P2RY14: variants seen among roughly 807,000 people sequenced by gnomAD.
P2RY14 encodes P2Y purinoceptor 14.
P2RY14 carries 2 observed loss-of-function variants against 0.9 expected under a neutral mutation model. The ratio of observed to expected loss-of-function variants is 2.16; its 90% confidence interval spans 0.88 to 6.79. The LOEUF (loss-of-function observed/expected upper bound fraction) is 6.79, where lower values mean the gene tolerates loss of function less well. P2RY14 is among the 30% of genes most tolerant of loss of function. The pLI is 0.05. For missense variants in P2RY14, 378 were observed against 400.1 expected (o/e 0.94, Z 0.47); for synonymous variants, 158 against 147.2 (o/e 1.07, Z -0.53).
At chr3:151,221,637 G>A (rs1275802913) in intron 1 of P2RY14, among the ~76,000 whole-genome samples, 1 of 152,220 alleles carries the variant, frequency 6.6e-6, no homozygotes, top group African/African-American at 2.4e-5. Context: ...TCCACCTGGT[G>A]TGGAGCCTGC....
intron 1 of P2RY14, among the ~76,000 whole-genome samples, chr3:151,238,307 C>T (rs932499758): frequency 6.6e-6 from 1 of 152,048 alleles, no homozygotes; most frequent in African/African-American, 2.4e-5. Flanking sequence ...CCACCTTGGC[C>T]GGCTAATTTT....
At position 151,267,971 on chromosome 3, in the gene P2RY14, C is replaced by T. The variant is rs979660751; in HGVS notation, c.-133+10316G>A. 7.9e-5 allele frequency among the ~76,000 whole-genome samples: 12 copies of T among 152,202 alleles called. No homozygotes were observed. In the South Asian group the frequency reaches 1.4e-3, roughly 18 times the overall value. On this transcript the variant is annotated intron_variant, in intron 1 of 2. Transcript: ENST00000309170. ...CTATTATCCTAATTTATGAATTTCT[C>T]CAAATGCCAGTAAAATGGACAAGGG...
chr3:151,254,977 C>G (rs562236096), intron 1 of P2RY14, among the ~76,000 whole-genome samples: 93 of 152,102 alleles, frequency 6.1e-4, no homozygotes, highest in African/African-American at 2.2e-3. Context: ...CCTTGCTGCT[C>G]TTTTTTTTGT....
At chr3:151,242,197 A>C (rs1226273462) in intron 1 of P2RY14, among the ~76,000 whole-genome samples, 1 of 151,870 alleles carries the variant, frequency 6.6e-6, no homozygotes, top group East Asian at 1.9e-4. Context: ...CGGCTGGGGG[A>C]GGGGCGCCCG....
chr3:151,259,948 CT>C, intron 1 of P2RY14, among the ~76,000 whole-genome samples: 1 of 152,276 alleles, frequency 6.6e-6, no homozygotes, highest in South Asian at 2.1e-4. Flanking sequence ...AACCAATCCC[CT>C]TTTGGTATGT....
intron 2 of P2RY14, among the ~76,000 whole-genome samples, chr3:151,214,671 G>A (rs1307938175): frequency 2.0e-5 from 3 of 151,548 alleles, no homozygotes; most frequent in African/African-American, 7.3e-5. Flanking sequence ...GAGCAGACAG[G>A]TGGCAGTAAA....
chr3:151,234,407 A>G (rs1043490966), intron 1 of P2RY14, among the ~76,000 whole-genome samples: 4 of 152,230 alleles, frequency 2.6e-5, no homozygotes, highest in Non-Finnish European at 5.9e-5. Flanking sequence ...CTGAGATTTG[A>G]ATCGAGGTCA....
At chr3:151,260,640 T>C (rs548099783) in intron 1 of P2RY14, among the ~76,000 whole-genome samples, 47 of 152,286 alleles carry the variant, frequency 3.1e-4, no homozygotes, top group African/African-American at 8.4e-4. Context: ...CCTGAACCAC[T>C]GCACCTGGCC....
At chr3:151,277,000 G>A (rs1245775437) in intron 1 of P2RY14, among the ~76,000 whole-genome samples, 7 of 152,062 alleles carry the variant, frequency 4.6e-5, no homozygotes, top group Admixed American at 6.6e-5. Flanking sequence ...AGACTCAAGC[G>A]ATTCTCCTGC....
rs145503183 is a variant in P2RY14 at position 151,230,487 on chromosome 3, G to T, written c.-132-10845C>A. Among the ~76,000 whole-genome samples, 779 of 151,416 alleles carry T rather than the reference G, an allele frequency of 5.1e-3. 12 individuals carry two copies. The highest frequency in any genetic ancestry group is 0.018 in the African/African-American group (727 of 41,260). On this transcript the variant is annotated intron_variant, in intron 1 of 2. Transcript: ENST00000309170. ...AAATTCTGATAAACACTCCTTTCTC[G>T]TTATACTATACACTACACTTTGATG...
intron 1 of P2RY14, among the ~76,000 whole-genome samples, chr3:151,254,488 T>C (rs750511062): frequency 1.3e-5 from 2 of 152,348 alleles, no homozygotes; most frequent in African/African-American, 2.4e-5. Context: ...CATTTTCCCA[T>C]TTATAATTAG....
chr3:151,213,354 G>A lies in P2RY14; in HGVS notation c.963C>T (p.Asp321=), dbSNP rs1412363297. ...HIPLKAQNDL[D]ISRIKRGNTT... ...TATTTCCTCTTTTGATTCTGGAAAT[G>A]TCTAGGTCATTCTGAGCTTTTAATG... The change falls in exon 3 of 3, where the codon GAC becomes GAT. Residue 321 remains aspartate (D), a synonymous_variant. Coordinates refer to ENST00000309170, the MANE Select transcript of P2RY14 (RefSeq NM_014879.4). The A allele has an allele frequency of 6.2e-7, 1 of 1,613,592 alleles. No homozygotes were observed. The highest frequency in any genetic ancestry group is 1.3e-5 in the African/African-American group (1 of 74,922).
chr3:151,230,271 G>T (rs1441296738), intron 1 of P2RY14, among the ~76,000 whole-genome samples: 2 of 152,232 alleles, frequency 1.3e-5, no homozygotes, highest in African/African-American at 2.4e-5. Flanking sequence ...ACCGCACCCG[G>T]CCGGGATCTG....
At chr3:151,247,142 G>A (rs1297856716) in intron 1 of P2RY14, among the ~76,000 whole-genome samples, 4 of 152,118 alleles carry the variant, frequency 2.6e-5, no homozygotes, top group African/African-American at 9.7e-5. Context: ...TGGAGAAATA[G>A]GAACACTTTT....
intron 1 of P2RY14, among the ~76,000 whole-genome samples, chr3:151,264,573 C>T (rs1739483802): frequency 6.6e-6 from 1 of 152,172 alleles, no homozygotes; most frequent in African/African-American, 2.4e-5. Context: ...GATGGGGTTT[C>T]TTTCTCCTGA....
At chr3:151,257,048 G>A (rs1440497417) in intron 1 of P2RY14, among the ~76,000 whole-genome samples, 1 of 152,062 alleles carries the variant, frequency 6.6e-6, no homozygotes, top group Non-Finnish European at 1.5e-5. Flanking sequence ...AAAGCAGCAC[G>A]ATACAGCTGC....
chr3:151,264,089 GAAGAA>G (rs1187005665), intron 1 of P2RY14, among the ~76,000 whole-genome samples: 1 of 152,150 alleles, frequency 6.6e-6, no homozygotes, highest in East Asian at 1.9e-4. Context: ...TCATTTCACT[GAAGAA>G]AAGAATCATA....
At chr3:151,216,532 AT>A (rs1343639807) in intron 2 of P2RY14, among the ~76,000 whole-genome samples, 5 of 152,180 alleles carry the variant, frequency 3.3e-5, no homozygotes, top group Non-Finnish European at 7.4e-5. Context: ...CCTTTCCCAT[AT>A]GCTTTCCTTT....
intron 1 of P2RY14, among the ~76,000 whole-genome samples, chr3:151,256,638 G>C (rs1737861980): frequency 6.6e-6 from 1 of 152,182 alleles, no homozygotes; most frequent in Admixed American, 6.5e-5. Flanking sequence ...CTACAGGAAA[G>C]ACAAAAGCTT....
Sources: gnomAD v4.1 joint callset for allele counts (sites outside exome capture counted in the v4.1 genomes callset) on GRCh38, gnomAD v4.1.1 for gene constraint, MANE v1.5 for transcripts, NCBI Gene and HGNC (gene_info 2026-07-23, HGNC 2026-07-21) for gene names.